Variants in CACNA2D1 observed in about 807,000 individuals in gnomAD.
CACNA2D1 encodes the protein voltage-dependent calcium channel subunit alpha-2/delta-1.
A neutral mutation model predicts 171.5 loss-of-function variants in CACNA2D1; 53 were observed. The observed-to-expected ratio is 0.31, with a 90% CI of 0.25 to 0.39. The LOEUF (loss-of-function observed/expected upper bound fraction) is 0.39. CACNA2D1 is among the 10% of genes least tolerant of loss of function. CACNA2D1 has a pLI of 1.00. For missense variants in CACNA2D1, 903 were observed against 1,299.8 expected, an observed-to-expected ratio of 0.69 and a Z score of 4.69; for synonymous variants, 442 against 443.1, an observed-to-expected ratio of 1.00 and a Z score of 0.03.
At chr7:82,371,901 T>C (rs945197407) in intron 1 of CACNA2D1, among the ~76,000 whole-genome samples, 1 of 152,136 alleles carries the variant, frequency 6.6e-6, no homozygotes, top group Non-Finnish European at 1.5e-5. Flanking sequence ...ATTATTTCCA[T>C]TAGAACAGCT....
intron 3 of CACNA2D1, among the ~76,000 whole-genome samples, chr7:82,243,834 C>T (rs1048850508): frequency 3.9e-5 from 6 of 152,110 alleles, no homozygotes; most frequent in African/African-American, 7.2e-5. Context: ...GAACTATTTA[C>T]ATTTAGCTCT....
chr7:82,282,917 C>T lies in CACNA2D1; in HGVS notation c.294+52218G>A, dbSNP rs528029338. On this transcript the variant is annotated intron_variant, in intron 3 of 38. Transcript: ENST00000356860. ...CATTACAAATTTAAACGCTGCAATT[C>T]GCCTAATATAAGAATCAAATTAAAT... 7.9e-5 allele frequency among the ~76,000 whole-genome samples: 12 copies of T among 152,194 alleles called. No homozygotes were observed. The South Asian group carries it at 2.5e-3, about 32-fold the overall frequency.
chr7:82,224,026 C>T (rs151285801), intron 3 of CACNA2D1, among the ~76,000 whole-genome samples: 24 of 152,248 alleles, frequency 1.6e-4, no homozygotes, highest in African/African-American at 5.1e-4. Context: ...TTGCCTGGAA[C>T]GTGCTTCCCT....
At chr7:82,066,424 T>C in intron 8 of CACNA2D1, 31 bp downstream of exon 8, 1 of 1,610,612 alleles carries the variant, frequency 6.2e-7, no homozygotes, top group Non-Finnish European at 8.5e-7. Context: ...TTGCCTATTT[T>C]ATCTTTTCAT....
intron 5 of CACNA2D1, among the ~76,000 whole-genome samples, chr7:82,123,724 C>T (rs1790006172): frequency 6.6e-6 from 1 of 152,100 alleles, no homozygotes; most frequent in Non-Finnish European, 1.5e-5. Flanking sequence ...AGCTTAAGCT[C>T]ATTAAATTTT....
In CACNA2D1 at chr7:82,062,729, C is replaced by CTTT. The variant is rs71520797; in HGVS notation, c.779+1572_779+1574dup. 3.1e-4 allele frequency among the ~76,000 whole-genome samples: 16 copies of CTTT among 52,190 alleles called. 2 individuals are homozygous for CTTT. Among genetic ancestry groups the CTTT allele is most frequent in the African/African-American group, 6.8e-4 (7 of 10,272 alleles). The allele number at this position is 52,190 out of a possible 152,430, so 34.2% of individuals were successfully genotyped here. A position where few individuals can be genotyped will look rare whatever the true frequency, so the allele number is the denominator to read the frequency against. The stretch of plus-strand genomic sequence containing the variant: ...TTGTCATTTACATTAGGTATATCTC[C>CTTT]TTTTTTTTTTTTTTTTTTTTTTTTT... On this transcript the variant is annotated intron_variant, in intron 9 of 38. Coordinates refer to ENST00000356860, the MANE Select transcript of CACNA2D1 (RefSeq NM_000722.4).
intron 3 of CACNA2D1, among the ~76,000 whole-genome samples, chr7:82,252,849 C>T (rs192548530): frequency 2.0e-5 from 3 of 151,794 alleles, no homozygotes; most frequent in Non-Finnish European, 4.4e-5. Context: ...AAGATCACGC[C>T]ACTGCACTCC....
At chr7:82,297,072 C>CAAAAAAAAA (rs57473351) in intron 3 of CACNA2D1, among the ~76,000 whole-genome samples, 2,245 of 72,026 alleles carry the variant, frequency 0.031, 152 homozygotes, top group Middle Eastern at 0.06. Flanking sequence ...CTGTGTCTAC[C>CAAAAAAAAA]AAAAAAAAAA....
At chr7:81,957,365 AGGAACATTAATATCGCAGAT>A (rs1374164306) in intron 38 of CACNA2D1, among the ~76,000 whole-genome samples, 1 of 152,142 alleles carries the variant, frequency 6.6e-6, no homozygotes, top group Non-Finnish European at 1.5e-5. Flanking sequence ...ACCTGGTTTC[AGGAACATTAATATCGCAGAT>A]TTAGGAATAT....
At chr7:82,368,222 A>G (rs1026009146) in intron 1 of CACNA2D1, among the ~76,000 whole-genome samples, 3 of 152,218 alleles carry the variant, frequency 2.0e-5, no homozygotes, top group African/African-American at 7.2e-5. Flanking sequence ...AGAAACTTCA[A>G]CCCAAAGGAT....
intron 6 of CACNA2D1, among the ~76,000 whole-genome samples, chr7:82,104,446 C>T (rs935777670): frequency 4.9e-4 from 74 of 152,002 alleles, no homozygotes; most frequent in African/African-American, 1.8e-3. Context: ...CATTACAGTC[C>T]TTTGAGGTAT....
chr7:82,370,572 T>TGGATGGGTGGAC (rs1822284809), intron 1 of CACNA2D1, among the ~76,000 whole-genome samples: 4 of 151,056 alleles, frequency 2.6e-5, no homozygotes. Flanking sequence ...GATGGATGGA[T>TGGATGGGTGGAC]GGATGGATAG....
chr7:82,084,488 T>C (rs1426717371), intron 7 of CACNA2D1, among the ~76,000 whole-genome samples: 1 of 152,182 alleles, frequency 6.6e-6, no homozygotes, highest in African/African-American at 2.4e-5. Context: ...TTAAGATTGA[T>C]GGTAATTTCC....
chr7:82,291,244 TAA>T (rs1491510998), intron 3 of CACNA2D1, among the ~76,000 whole-genome samples: 9 of 142,902 alleles, frequency 6.3e-5, no homozygotes, highest in Non-Finnish European at 1.1e-4. Flanking sequence ...ATTCTATATA[TAA>T]TATATATACT....
At chr7:82,198,884 C>T (rs1009799243) in intron 3 of CACNA2D1, among the ~76,000 whole-genome samples, 5 of 151,976 alleles carry the variant, frequency 3.3e-5, no homozygotes, top group African/African-American at 9.7e-5. Flanking sequence ...TATATACACC[C>T]CATCGTTAAG....
intron 10 of CACNA2D1, among the ~76,000 whole-genome samples, chr7:82,047,666 C>A (rs754294180): frequency 6.6e-6 from 1 of 152,060 alleles, no homozygotes; most frequent in Admixed American, 6.6e-5. Context: ...ACCACCACTA[C>A]GTGCCTTGAA....
chr7:82,143,856 C>G (rs62465801), intron 4 of CACNA2D1, among the ~76,000 whole-genome samples: 1,619 of 152,250 alleles, frequency 0.011, 20 homozygotes, highest in South Asian at 0.02. Flanking sequence ...ACCAGTAAAT[C>G]AGGAGTTTCT....
intron 3 of CACNA2D1, among the ~76,000 whole-genome samples, chr7:82,230,825 GCTTT>G (rs1802850729): frequency 6.6e-6 from 1 of 152,104 alleles, no homozygotes; most frequent in African/African-American, 2.4e-5. Flanking sequence ...AGCATCCTTG[GCTTT>G]CTTTTTGTGT....
chr7:81,961,283 A>G (rs1184028322), intron 36 of CACNA2D1, among the ~76,000 whole-genome samples: 3 of 151,960 alleles, frequency 2.0e-5, no homozygotes, highest in Non-Finnish European at 4.4e-5. Context: ...TTACAACAAA[A>G]TTAAATTCTC....
Sources: allele counts gnomAD v4.1 joint callset (sites outside exome capture counted in the v4.1 genomes callset), GRCh38; gene constraint gnomAD v4.1.1; transcripts MANE v1.5; gene names NCBI Gene and HGNC (gene_info 2026-07-23, HGNC 2026-07-21).